Variants in GRIN2D observed in about 807,000 individuals in gnomAD.
GRIN2D encodes glutamate ionotropic receptor NMDA type subunit 2D.
GRIN2D carries 37 observed loss-of-function variants against 103.2 expected under a neutral mutation model. The ratio of observed to expected loss-of-function variants is 0.36; its 90% CI spans 0.28 to 0.47. The LOEUF is 0.47. Ranked by LOEUF, GRIN2D falls within the 20% of genes least tolerant of loss-of-function variation. The pLI, the probability that GRIN2D is intolerant of heterozygous loss-of-function variation, is 1.00. For missense variants in GRIN2D, 1,557 were observed against 1,910.6 expected, an observed-to-expected ratio of 0.81 and a Z score of 3.45; for synonymous variants, 845 against 885.6, an observed-to-expected ratio of 0.95 and a Z score of 0.81.
intron 4 of GRIN2D, among the ~76,000 whole-genome samples, chr19:48,412,384 GAAGAAAGAGA>G (rs1970873545): frequency 8.3e-6 from 1 of 121,048 alleles, no homozygotes; most frequent in African/African-American, 3.2e-5. Context: ...AAAAAGAAAA[GAAGAAAGAGA>G]AAGAAAAGAA....
In GRIN2D at chr19:48,419,293, G is replaced by A; in HGVS notation, c.1795G>A (p.Val599Ile). ...MFVMCLTVVA[V>I]TVFIFEYLSP... Reference sequence around the variant, plus strand: ...CGTCATGTGCCTCACTGTGGTCGCCGTCACTGTTTTCATCTTCGAGTACCT... The same window carrying A: ...CGTCATGTGCCTCACTGTGGTCGCCATCACTGTTTTCATCTTCGAGTACCT... The change falls in exon 9 of 14, where the codon GTC becomes ATC. Residue 599 changes from valine (V) to isoleucine (I), a missense_variant. Val to Ile is a conservative substitution (Grantham distance 29). Around this residue, in one of 7 missense-constraint regions of GRIN2D, gnomAD observed 197 missense variants for 334.1 expected, o/e 0.59. Coordinates refer to ENST00000263269, the MANE Select transcript of GRIN2D (RefSeq NM_000836.4). 5 of 1,611,070 alleles carry A rather than the reference G, an allele frequency of 3.1e-6. No homozygotes were observed. Among genetic ancestry groups the A allele is most frequent in the Non-Finnish European group, 4.2e-6 (5 of 1,179,664 alleles).
At chr19:48,415,852 C>A (rs1569064592) in intron 7 of GRIN2D, 150 bp from the exon 8 acceptor site, 8 of 689,738 alleles carry the variant, frequency 1.2e-5, no homozygotes, top group Non-Finnish European at 1.0e-5. Context: ...CACTCTTCGT[C>A]CCCCTCCTCA....
intron 11 of GRIN2D, among the ~76,000 whole-genome samples, chr19:48,440,919 T>C (rs989341529): frequency 3.3e-5 from 5 of 152,168 alleles, no homozygotes; most frequent in Non-Finnish European, 7.4e-5. Flanking sequence ...ACTCCTGAGC[T>C]GACAGGTGAT....
Position 48,443,928 on chromosome 19 carries a change from C to T in GRIN2D, c.4002C>T (p.Ser1334=), listed in dbSNP as rs768786893. 4 of 1,419,734 alleles carry T rather than the reference C, an allele frequency of 2.8e-6. No individual in the cohort carries two copies. The highest frequency in any genetic ancestry group is 1.4e-5 in the South Asian group (1 of 71,958). 87.9% of individuals were successfully genotyped at this position (1,419,734 alleles called of 1,614,324 possible). ...RGSAHFSSLE[S]EV ...CGGCGCACTTCTCTAGCCTCGAGTC[C>T]GAGGTATGACGCGGCCCCGGGGGCC... Residue 1334 remains serine, a synonymous_variant, in exon 14 of 14, where the codon TCC becomes TCT. Transcript: ENST00000263269. The surrounding 1 kb of genome is among the most constrained non-coding windows in gnomAD (Gnocchi z 8.9).
Position 48,441,957 on chromosome 19 carries a change from G to T in GRIN2D, c.2440+1G>T. On this transcript the variant is annotated splice_donor_variant, in intron 12 of 13. Transcript: ENST00000263269. LOFTEE classifies it high-confidence loss of function. ...GCGTTGCTGCAGTTCCTGGGGGATG[G>T]TGCGGCTGCACACAGGGATTTCCAC... 6.2e-7 allele frequency: 1 copy of T among 1,601,864 alleles called. No homozygotes were observed.
intron 7 of GRIN2D, 24 bp from the exon 8 acceptor site, chr19:48,415,978 C>T (rs1485221181): frequency 6.2e-7 from 1 of 1,605,324 alleles, no homozygotes; most frequent in Admixed American, 1.7e-5. Flanking sequence ...TTCCCCCGCC[C>T]ACTCCTCATC....
chr19:48,398,664 T>G lies in GRIN2D; in HGVS notation c.272T>G (p.Leu91Arg). Residue 91 changes from leucine to arginine, a missense_variant, in exon 3 of 14, where the codon CTC becomes CGC. Leu to Arg is a moderately radical substitution (Grantham distance 102). Around this residue, in one of 7 missense-constraint regions of GRIN2D, gnomAD observed 490 missense variants for 601.1 expected, o/e 0.82. Transcript: ENST00000263269. ...GLDVRPVALV[L>R]NGSDPRSLVL... ...GACGTGCGGCCCGTGGCGCTGGTGC[T>G]CAACGGCTCGGACCCGCGCAGCCTC... 1 of 1,450,730 alleles carries G rather than the reference T, an allele frequency of 6.9e-7. No individual in the cohort carries two copies. The highest frequency in any genetic ancestry group is 9.1e-7 in the Non-Finnish European group (1 of 1,104,414). The allele number at this position is 1,450,730 out of a possible 1,614,324, so 89.9% of individuals were successfully genotyped here. A position where few individuals can be genotyped will look rare whatever the true frequency, so the allele number is the denominator to read the frequency against.
At chr19:48,399,069 G>A (rs1048942877) in intron 3 of GRIN2D, among the ~76,000 whole-genome samples, 2 of 152,348 alleles carry the variant, frequency 1.3e-5, no homozygotes, top group East Asian at 1.9e-4. Flanking sequence ...TATAGGGTAA[G>A]CTGGGCCTTT....
At chr19:48,426,560 CT>C (rs1014269795) in intron 11 of GRIN2D, among the ~76,000 whole-genome samples, 30 of 147,216 alleles carry the variant, frequency 2.0e-4, no homozygotes, top group East Asian at 1.4e-3. Flanking sequence ...GTAATTGCCT[CT>C]TTTTTTTTTA....
Position 48,421,755 on chromosome 19 carries a change from G to T in GRIN2D, c.2092-30G>T. The T allele has an allele frequency of 6.2e-7, 1 of 1,601,472 alleles. No individual in the cohort carries two copies. The highest frequency in any genetic ancestry group is 8.5e-7 in the Non-Finnish European group (1 of 1,171,448). ...TATGTTAGGGATGTCCCTGCGGAGG[G>T]TGCCCTAATCACTCCCCATTCTGCC... On this transcript the variant is annotated intron_variant, in intron 10 of 13. Coordinates refer to ENST00000263269, the MANE Select transcript of GRIN2D (RefSeq NM_000836.4). This position sits in a 1 kb window ranked among gnomAD's most constrained non-coding sequence, Gnocchi z 4.8.
At chr19:48,419,937 G>A (rs1271850533) in intron 10 of GRIN2D, 123 bp downstream of exon 10, 1 of 531,142 alleles carries the variant, frequency 1.9e-6, no homozygotes, top group Admixed American at 3.2e-5. Context: ...GGGGGAGGGC[G>A]GGAAGGGGTC....
intron 11 of GRIN2D, among the ~76,000 whole-genome samples, chr19:48,422,338 C>A (rs1291204776): frequency 1.3e-5 from 2 of 152,172 alleles, no homozygotes; most frequent in Non-Finnish European, 2.9e-5. Flanking sequence ...GTAAGCCGGG[C>A]ACGGTGGCTC....
At chr19:48,439,218 A>G (rs921344430) in intron 11 of GRIN2D, among the ~76,000 whole-genome samples, 2 of 150,842 alleles carry the variant, frequency 1.3e-5, no homozygotes, top group Non-Finnish European at 3.0e-5. Flanking sequence ...GTGAGACCCC[A>G]TCTCTAAAAA....
At chr19:48,404,297 G>A (rs930344744) in intron 3 of GRIN2D, among the ~76,000 whole-genome samples, 2 of 150,320 alleles carry the variant, frequency 1.3e-5, no homozygotes, top group Non-Finnish European at 1.5e-5. Flanking sequence ...GCTTTCCTCC[G>A]TATGGTGACT....
At chr19:48,441,996 A>G in intron 12 of GRIN2D, 40 bp downstream of exon 12, 1 of 1,559,876 alleles carries the variant, frequency 6.4e-7, no homozygotes, top group Non-Finnish European at 8.7e-7. Context: ...GGAGAGGGGG[A>G]GGGCGAGGCC....
chr19:48,397,262 C>T lies in GRIN2D; in HGVS notation c.-26-1105C>T, dbSNP rs367647115. 3.2e-4 allele frequency among the ~76,000 whole-genome samples: 48 copies of T among 152,234 alleles called. 4 individuals carry two copies. The East Asian group carries it at 3.5e-3, about 11-fold the overall frequency. Reference sequence around the variant, plus strand: ...GTAAGGTCATGTGGGGATTTTCTCTCCTTGGGGTGCCCCACTAATTTCTCT... The same window carrying T: ...GTAAGGTCATGTGGGGATTTTCTCTTCTTGGGGTGCCCCACTAATTTCTCT... On this transcript the variant is annotated intron_variant, in intron 2 of 13. Coordinates refer to ENST00000263269, the MANE Select transcript of GRIN2D (RefSeq NM_000836.4).
At chr19:48,403,177 C>A (rs1970739018) in intron 3 of GRIN2D, among the ~76,000 whole-genome samples, 2 of 121,234 alleles carry the variant, frequency 1.6e-5, no homozygotes, top group Non-Finnish European at 3.2e-5. Context: ...CCAGCCTGGG[C>A]AACAGAGGAA....
chr19:48,443,535 C>A lies in GRIN2D; in HGVS notation c.3609C>A (p.Asp1203Glu), dbSNP rs1309073752. 4 of 1,287,334 alleles carry A rather than the reference C, an allele frequency of 3.1e-6. No individual in the cohort carries two copies. The highest frequency in any genetic ancestry group is 3.9e-6 in the Non-Finnish European group (4 of 1,017,960). 79.7% of individuals were successfully genotyped at this position (1,287,334 alleles called of 1,614,324 possible). A position where few individuals can be genotyped will look rare whatever the true frequency, so the allele number is the denominator to read the frequency against. ...TCAGCTGCTCGCACGATGGCCTGGA[C>A]GGCGGCTGGTGGGCGCCACCGCCTC... Reference protein sequence around the residue: ...RHLSCSHDGLDGGWWAPPPPP... With the variant: ...RHLSCSHDGLEGGWWAPPPPP... The change falls in exon 14 of 14, where the codon GAC (aspartate) becomes GAA (glutamate). Residue 1203 changes from aspartate to glutamate, a missense_variant. Transcript: ENST00000263269. The surrounding 1 kb of genome is among the most constrained non-coding windows in gnomAD (Gnocchi z 8.9).
chr19:48,426,224 C>CTTTCTTTTTTTTTTTTTTTTTTT (rs1555893889), intron 11 of GRIN2D, among the ~76,000 whole-genome samples: 4 of 120,118 alleles, frequency 3.3e-5, no homozygotes, highest in African/African-American at 1.4e-4. Flanking sequence ...TTCTTTCTTT[C>CTTTCTTTTTTTTTTTTTTTTTTT]TTTTTTTTTT....
Sources: gnomAD v4.1 joint callset for allele counts (sites outside exome capture counted in the v4.1 genomes callset) on GRCh38, gnomAD v4.1.1 for gene constraint, gnomAD v4.1.1 regional missense constraint, Gnocchi (gnomAD v3.1) non-coding constraint, MANE v1.5 for transcripts, NCBI Gene and HGNC (gene_info 2026-07-23, HGNC 2026-07-21) for gene names.